Variants in PARD3B observed in about 807,000 individuals in gnomAD.
The protein encoded by PARD3B is par-3 family cell polarity regulator beta.
In PARD3B, 103 loss-of-function variants were observed where a neutral mutation model predicts 130.2. That is an observed-to-expected ratio of 0.79 (90% CI 0.67 to 0.93). The LOEUF (loss-of-function observed/expected upper bound fraction) is 0.93. Ranked by LOEUF, PARD3B falls within the 40% of genes least tolerant of loss-of-function variation. PARD3B has a pLI of 0.00. For missense variants in PARD3B, 1,609 were observed against 1,499.2 expected, an observed-to-expected ratio of 1.07 and a Z score of -1.21; for synonymous variants, 583 against 553.2, an observed-to-expected ratio of 1.05 and a Z score of -0.76.
intron 12 of PARD3B, among the ~76,000 whole-genome samples, chr2:205,173,945 A>G (rs538625426): frequency 6.6e-6 from 1 of 152,324 alleles, no homozygotes; most frequent in East Asian, 1.9e-4. Context: ...GCATCTGCAT[A>G]TCAGATCTCC....
chr2:205,456,533 G>A (rs1015741212), intron 20 of PARD3B, among the ~76,000 whole-genome samples: 2 of 151,952 alleles, frequency 1.3e-5, no homozygotes, highest in African/African-American at 4.8e-5. Flanking sequence ...GTTTTTTGTA[G>A]CTGTCTTTAT....
chr2:204,956,575 T>C (rs1365749334), intron 2 of PARD3B, among the ~76,000 whole-genome samples: 1 of 151,884 alleles, frequency 6.6e-6, no homozygotes, highest in Non-Finnish European at 1.5e-5. Flanking sequence ...ATATCCCAGC[T>C]TGTTTTGTGT....
At chr2:205,144,925 G>A (rs2033239816) in intron 10 of PARD3B, among the ~76,000 whole-genome samples, 1 of 152,104 alleles carries the variant, frequency 6.6e-6, no homozygotes. Flanking sequence ...GAAACTCCCC[G>A]CTCATGCCCC....
rs116517829 is a variant in PARD3B at position 205,423,596 on chromosome 2, A to G, written c.2742-16774A>G. Among the ~76,000 whole-genome samples the G allele has an allele frequency of 3.4e-3, 511 of 152,340 alleles. 2 individuals are homozygous for G. Among genetic ancestry groups the G allele is most frequent in the African/African-American group, 0.012 (488 of 41,590 alleles). Reference sequence around the variant, plus strand: ...AAAAATGGCAAGCCTAATAAGCACCATAGAAAATACTGTGGTTTACATATG... The same window carrying G: ...AAAAATGGCAAGCCTAATAAGCACCGTAGAAAATACTGTGGTTTACATATG... On this transcript the variant is annotated intron_variant, in intron 19 of 22. Transcript: ENST00000406610.
intron 18 of PARD3B, among the ~76,000 whole-genome samples, chr2:205,353,670 G>A (rs1448970065): frequency 6.6e-6 from 1 of 152,118 alleles, no homozygotes; most frequent in Non-Finnish European, 1.5e-5. Context: ...ACTGGGGCCT[G>A]GAGAAGTGAG....
At chr2:204,633,239 G>T (rs1211979142) in intron 1 of PARD3B, among the ~76,000 whole-genome samples, 1 of 152,054 alleles carries the variant, frequency 6.6e-6, no homozygotes, top group Admixed American at 6.5e-5. Flanking sequence ...AAACAGAGAA[G>T]AGGAAAACAT....
chr2:204,778,852 C>G (rs774158953), intron 2 of PARD3B, among the ~76,000 whole-genome samples: 1 of 152,158 alleles, frequency 6.6e-6, no homozygotes, highest in South Asian at 2.1e-4. Flanking sequence ...TCATCCTATG[C>G]GTACGTCCGA....
At chr2:205,603,603 A>G (rs1055753357) in intron 22 of PARD3B, among the ~76,000 whole-genome samples, 15 of 152,144 alleles carry the variant, frequency 9.9e-5, no homozygotes, top group South Asian at 2.1e-4. Flanking sequence ...ACCATTATGT[A>G]ATACTCTTCT....
At chr2:204,746,210 CTA>C (rs2040221493) in intron 2 of PARD3B, among the ~76,000 whole-genome samples, 1 of 146,378 alleles carries the variant, frequency 6.8e-6, no homozygotes, top group Non-Finnish European at 1.5e-5. Flanking sequence ...CAATTCCCAC[CTA>C]TGAGTGAGAA....
intron 2 of PARD3B, among the ~76,000 whole-genome samples, chr2:204,825,865 C>T (rs1033158518): frequency 1.3e-5 from 2 of 152,160 alleles, no homozygotes; most frequent in Non-Finnish European, 2.9e-5. Flanking sequence ...GAAGTCTTGG[C>T]TCCTACTCTA....
intron 20 of PARD3B, among the ~76,000 whole-genome samples, chr2:205,456,766 A>G (rs984201263): frequency 2.7e-5 from 4 of 150,680 alleles, no homozygotes; most frequent in African/African-American, 9.7e-5. Context: ...AATTATTTCT[A>G]GTCATAGTAT....
intron 5 of PARD3B, among the ~76,000 whole-genome samples, chr2:205,110,712 G>T: frequency 7.5e-6 from 1 of 134,128 alleles, no homozygotes; most frequent in African/African-American, 2.8e-5. Flanking sequence ...CTCATTTTCT[G>T]TATTTTCCAT....
rs1399372758 is a variant in PARD3B, at chr2:204,967,836, T to A, written c.394+2513T>A. 2.0e-5 allele frequency among the ~76,000 whole-genome samples: 3 copies of A among 152,110 alleles called. No homozygotes were observed. Among genetic ancestry groups the A allele is most frequent in the Non-Finnish European group, 4.4e-5 (3 of 68,016 alleles). ...GAGATGTGGTTGGCAGTAGAGGCAG[T>A]ATTGATGGCACTTCTGGGAGTGTGA... is the stretch of plus-strand genomic sequence containing the variant. On this transcript the variant is annotated intron_variant, in intron 3 of 22. Transcript: ENST00000406610. The surrounding 1 kb of genome is among the most constrained non-coding windows in gnomAD (Gnocchi z 4.4).
At chr2:205,459,227 T>C (rs140593900) in intron 20 of PARD3B, among the ~76,000 whole-genome samples, 25 of 152,300 alleles carry the variant, frequency 1.6e-4, no homozygotes, top group Non-Finnish European at 2.6e-4. Flanking sequence ...TACCTACCTT[T>C]TAGAATCAGT....
intron 21 of PARD3B, among the ~76,000 whole-genome samples, chr2:205,509,729 C>T (rs1250972988): frequency 6.6e-6 from 1 of 152,236 alleles, no homozygotes; most frequent in African/African-American, 2.4e-5. Context: ...GATTCTCCAG[C>T]GCTTCTGTTT....
chr2:204,905,957 A>C (rs2047029037), intron 2 of PARD3B, among the ~76,000 whole-genome samples: 1 of 152,186 alleles, frequency 6.6e-6, no homozygotes, highest in African/African-American at 2.4e-5. Context: ...TCTAAGACTA[A>C]GATGTTCTTG....
chr2:204,845,374 T>G (rs150434276), intron 2 of PARD3B, among the ~76,000 whole-genome samples: 27 of 152,304 alleles, frequency 1.8e-4, no homozygotes, highest in African/African-American at 5.5e-4. Context: ...TATAATTTGT[T>G]ATTTTTAATA....
chr2:205,393,056 A>G (rs1187922512), intron 18 of PARD3B, among the ~76,000 whole-genome samples: 1 of 152,202 alleles, frequency 6.6e-6, no homozygotes, highest in African/African-American at 2.4e-5. Flanking sequence ...TGAGATAAAC[A>G]AGAAAAGACC....
At chr2:205,609,283 G>A (rs2055138582) in intron 22 of PARD3B, among the ~76,000 whole-genome samples, 2 of 152,168 alleles carry the variant, frequency 1.3e-5, no homozygotes, top group African/African-American at 4.8e-5. Context: ...AAGTATATTA[G>A]TTTGTGCTGA....
Sources: allele counts gnomAD v4.1 joint callset (sites outside exome capture counted in the v4.1 genomes callset), GRCh38; gene constraint gnomAD v4.1.1; non-coding constraint Gnocchi (gnomAD v3.1); transcripts MANE v1.5; gene names NCBI Gene and HGNC (gene_info 2026-07-23, HGNC 2026-07-21).